FAM78B: variants seen among roughly 807,000 people sequenced by gnomAD.
FAM78B encodes protein FAM78B.
Under a neutral mutation model 20.0 loss-of-function variants are expected in FAM78B, and 10 were observed. The observed-to-expected ratio is 0.50, with a 90% CI of 0.31 to 0.85. The LOEUF is 0.85. Ranked by LOEUF, FAM78B falls within the 40% of genes least tolerant of loss-of-function variation. FAM78B has a pLI of 0.05. For synonymous variants in FAM78B, 135 were observed against 132.8 expected (o/e 1.02, Z -0.12); for missense variants, 283 against 345.0 (o/e 0.82, Z 1.42).
chr1:166,103,118 G>T (rs192859868), intron 1 of FAM78B, among the ~76,000 whole-genome samples: 1 of 152,172 alleles, frequency 6.6e-6, no homozygotes, highest in African/African-American at 2.4e-5. Flanking sequence ...GGTACATAAC[G>T]AAAGGAAGGC....
chr1:166,164,506 A>G (rs1053855916), intron 1 of FAM78B, among the ~76,000 whole-genome samples: 1 of 152,260 alleles, frequency 6.6e-6, no homozygotes, highest in Non-Finnish European at 1.5e-5. Context: ...TCTCTGGAAG[A>G]ATACAGTGTG....
At chr1:166,161,184 GCT>G (rs1557923121) in intron 1 of FAM78B, among the ~76,000 whole-genome samples, 1 of 151,228 alleles carries the variant, frequency 6.6e-6, no homozygotes, top group Non-Finnish European at 1.5e-5. Context: ...ACAGACTCTC[GCT>G]CTGTCAGCCA....
downstream of FAM78B, among the ~76,000 whole-genome samples, chr1:166,056,530 C>T (rs1651351068): frequency 6.6e-6 from 1 of 152,140 alleles, no homozygotes; most frequent in African/African-American, 2.4e-5. Context: ...CCCACTCTTG[C>T]CTGGATGAAT....
chr1:166,135,019 G>A (rs1655018174), intron 1 of FAM78B, among the ~76,000 whole-genome samples: 1 of 152,180 alleles, frequency 6.6e-6, no homozygotes, highest in Non-Finnish European at 1.5e-5. Flanking sequence ...TTTTAAAGAA[G>A]CTAATTAAAT....
rs1372381299 is a variant in FAM78B at position 166,166,376 on chromosome 1, G to A, written c.-128C>T. ...CCCGGTCAGACTCAGCTCGCACCTA[G>A]GAGCGGGGAGCCGCCGGGCATCCTT... On this transcript the variant is annotated 5_prime_UTR_variant, in exon 1 of 2. Coordinates refer to ENST00000354422, the MANE Select transcript of FAM78B (RefSeq NM_001017961.5). 2.4e-6 allele frequency: 2 copies of A among 850,540 alleles called. No homozygotes were observed. Among genetic ancestry groups the A allele is most frequent in the African/African-American group, 3.6e-5 (2 of 54,804 alleles). 52.7% of individuals were successfully genotyped at this position (850,540 alleles called of 1,614,324 possible).
intron 1 of FAM78B, among the ~76,000 whole-genome samples, chr1:166,164,456 C>T (rs1230355454): frequency 6.6e-6 from 1 of 152,196 alleles, no homozygotes; most frequent in Non-Finnish European, 1.5e-5. Context: ...CATGATTCGC[C>T]CCAAATAAAA....
At chr1:166,135,578 T>C (rs1049170924) in intron 1 of FAM78B, among the ~76,000 whole-genome samples, 1 of 152,228 alleles carries the variant, frequency 6.6e-6, no homozygotes, top group African/African-American at 2.4e-5. Context: ...GCATGAGACA[T>C]GTTGGGTGAA....
downstream of FAM78B, among the ~76,000 whole-genome samples, chr1:166,066,112 G>A (rs1651784502): frequency 6.6e-6 from 1 of 152,198 alleles, no homozygotes. Flanking sequence ...ACGGCGGGTG[G>A]CAGGGCCTTG....
chr1:166,161,785 T>G (rs533820137), intron 1 of FAM78B, among the ~76,000 whole-genome samples: 2 of 152,142 alleles, frequency 1.3e-5, no homozygotes, highest in Non-Finnish European at 2.9e-5. Context: ...AGATGAAGAA[T>G]GGCAAAGGTG....
exon 3 of FAM78B, chr1:166,058,009 T>A (rs1651419336): frequency 6.6e-6 from 1 of 150,466 alleles, no homozygotes; most frequent in African/African-American, 2.4e-5. Context: ...GCAAGGGAGG[T>A]ATCTCAAAAT....
At chr1:166,060,273 T>A (rs1462651077) in exon 3 of FAM78B, 2 of 250,466 alleles carry the variant, frequency 8.0e-6, no homozygotes, top group Non-Finnish European at 1.6e-5. Flanking sequence ...CCACATTAGG[T>A]ATTTAAAGTC....
chr1:166,150,900 C>A (rs1655647741), intron 1 of FAM78B, among the ~76,000 whole-genome samples: 1 of 152,038 alleles, frequency 6.6e-6, no homozygotes, highest in African/African-American at 2.4e-5. Context: ...GCCTGAGCAA[C>A]ACAGTGAGAA....
intron 1 of FAM78B, among the ~76,000 whole-genome samples, chr1:166,162,153 C>T (rs746859304): frequency 4.6e-5 from 7 of 152,150 alleles, no homozygotes; most frequent in Non-Finnish European, 1.0e-4. Context: ...CTGAGGGATT[C>T]GGCAACATGG....
chr1:166,104,792 T>C (rs148297537), intron 1 of FAM78B, among the ~76,000 whole-genome samples: 2,087 of 152,302 alleles, frequency 0.014, 49 homozygotes, highest in African/African-American at 0.048. Context: ...AGGTAATTTA[T>C]AGATTTAATG....
At chr1:166,093,915 C>A (rs1387147806) in intron 1 of FAM78B, among the ~76,000 whole-genome samples, 3 of 151,600 alleles carry the variant, frequency 2.0e-5, no homozygotes, top group Non-Finnish European at 4.4e-5. Flanking sequence ...CTTGCATAGG[C>A]CCAGGATCAA....
At chr1:166,148,322 C>T (rs1481272262) in intron 1 of FAM78B, among the ~76,000 whole-genome samples, 2 of 152,220 alleles carry the variant, frequency 1.3e-5, no homozygotes, top group Non-Finnish European at 2.9e-5. Flanking sequence ...CCAAGCCCTG[C>T]TCAGAATCTG....
At chr1:166,057,731 TAAAG>T (rs1210924805) in exon 3 of FAM78B, 3 of 152,100 alleles carry the variant, frequency 2.0e-5, no homozygotes, top group Non-Finnish European at 4.4e-5. Context: ...GAGGAAATGG[TAAAG>T]GAAGGAAATA....
At chr1:166,102,601 G>C (rs1287697142) in intron 1 of FAM78B, among the ~76,000 whole-genome samples, 1 of 152,064 alleles carries the variant, frequency 6.6e-6, no homozygotes, top group Non-Finnish European at 1.5e-5. Context: ...AAGATCAAAA[G>C]AGACAAAGAA....
At chr1:166,144,221 T>G (rs1298300432) in intron 1 of FAM78B, among the ~76,000 whole-genome samples, 4 of 152,042 alleles carry the variant, frequency 2.6e-5, no homozygotes, top group Admixed American at 6.6e-5. Flanking sequence ...GTGTGTGTGT[T>G]AGCGTTTTCA....
Sources: allele counts gnomAD v4.1 joint callset (sites outside exome capture counted in the v4.1 genomes callset), GRCh38; gene constraint gnomAD v4.1.1; transcripts MANE v1.5; gene names NCBI Gene and HGNC (gene_info 2026-07-23, HGNC 2026-07-21).